The following OXR1 variants were observed in gnomAD, a reference collection of about 807,000 sequenced individuals.
The protein encoded by OXR1 is oxidation resistance protein 1.
A neutral mutation model predicts 104.6 loss-of-function variants in OXR1; 41 were observed. The observed-to-expected ratio is 0.39, with a 90% confidence interval of 0.31 to 0.51. The LOEUF (loss-of-function observed/expected upper bound fraction) is 0.51. OXR1 is among the 20% of genes least tolerant of loss of function. The pLI, the probability that OXR1 is intolerant of heterozygous loss-of-function variation, is 0.77. For missense variants in OXR1, 955 were observed against 1,031.9 expected (o/e 0.93, Z 1.02); for synonymous variants, 348 against 348.4 (o/e 1.00, Z 0.01).
At chr8:106,674,816 T>G (rs1237310442) in intron 3 of OXR1, among the ~76,000 whole-genome samples, 4 of 152,182 alleles carry the variant, frequency 2.6e-5, no homozygotes, top group African/African-American at 9.7e-5. Flanking sequence ...AGTTCATTCT[T>G]CCTCATGCTG....
intron 1 of OXR1, among the ~76,000 whole-genome samples, chr8:106,353,345 C>T (rs1044364021): frequency 2.0e-5 from 3 of 150,180 alleles, no homozygotes; most frequent in South Asian, 2.2e-4. Flanking sequence ...GCCTGGGTGA[C>T]GGAGTGAGAC....
intron 2 of OXR1, among the ~76,000 whole-genome samples, chr8:106,511,209 C>T (rs1285379864): frequency 6.6e-6 from 1 of 152,108 alleles, no homozygotes; most frequent in East Asian, 1.9e-4. Flanking sequence ...TTTAGTCAGA[C>T]TGTATAGGAG....
intron 3 of OXR1, among the ~76,000 whole-genome samples, chr8:106,651,025 A>T (rs1173754805): frequency 6.6e-6 from 1 of 152,200 alleles, no homozygotes; most frequent in Admixed American, 6.5e-5. Context: ...TTCATACATC[A>T]GTAGGATAAA....
At chr8:106,618,171 T>G (rs912331638) in intron 3 of OXR1, 5 of 1,535,916 alleles carry the variant, frequency 3.3e-6, no homozygotes, top group Non-Finnish European at 1.7e-6. Flanking sequence ...AGAAATGTTC[T>G]GCCAGCGCAA....
At chr8:106,630,671 G>T (rs563077036) in intron 3 of OXR1, among the ~76,000 whole-genome samples, 1 of 152,160 alleles carries the variant, frequency 6.6e-6, no homozygotes, top group Non-Finnish European at 1.5e-5. Flanking sequence ...AAAGAGGAAG[G>T]TACAAGGAAG....
At chr8:106,467,703 C>T (rs1197019501) in intron 2 of OXR1, among the ~76,000 whole-genome samples, 1 of 151,828 alleles carries the variant, frequency 6.6e-6, no homozygotes, top group East Asian at 1.9e-4. Context: ...AAGCCAAGGC[C>T]TTACTTACAT....
At chr8:106,586,444 C>G (rs979383863) in intron 3 of OXR1, among the ~76,000 whole-genome samples, 1 of 152,114 alleles carries the variant, frequency 6.6e-6, no homozygotes, top group African/African-American at 2.4e-5. Context: ...CACAGGTTTG[C>G]AGAGAATTCA....
At chr8:106,738,887 A>T (rs917264488) in intron 12 of OXR1, among the ~76,000 whole-genome samples, 13 of 152,230 alleles carry the variant, frequency 8.5e-5, no homozygotes, top group African/African-American at 3.1e-4. Flanking sequence ...TTAGAAAGTT[A>T]TAAAAAGAAA....
chr8:106,339,410 G>A (rs887950393), intron 1 of OXR1, among the ~76,000 whole-genome samples: 1 of 146,462 alleles, frequency 6.8e-6, no homozygotes, highest in Non-Finnish European at 1.5e-5. Context: ...CAGGAGAATG[G>A]TGTGAACCTG....
chr8:106,485,695 C>A (rs1388396839), intron 2 of OXR1, among the ~76,000 whole-genome samples: 1 of 151,894 alleles, frequency 6.6e-6, no homozygotes, highest in Non-Finnish European at 1.5e-5. Flanking sequence ...GCACTATTTA[C>A]AATAGCTAAG....
At chr8:106,577,064 T>G (rs1447612375) in intron 3 of OXR1, among the ~76,000 whole-genome samples, 7 of 152,222 alleles carry the variant, frequency 4.6e-5, no homozygotes, top group Non-Finnish European at 1.0e-4. Flanking sequence ...GCTTTAATAA[T>G]AGTCATCGGC....
chr8:106,494,280 T>C (rs1227945377), intron 2 of OXR1, among the ~76,000 whole-genome samples: 2 of 152,208 alleles, frequency 1.3e-5, no homozygotes, highest in Non-Finnish European at 2.9e-5. Context: ...TTTGCAGTAT[T>C]AAGATTTTAG....
At chr8:106,487,863 A>G (rs1810792971) in intron 2 of OXR1, among the ~76,000 whole-genome samples, 1 of 151,820 alleles carries the variant, frequency 6.6e-6, no homozygotes, top group Admixed American at 6.6e-5. Flanking sequence ...TGCTATTGTG[A>G]ATAATGCCGC....
At chr8:106,723,082 G>T (rs755474758) in intron 11 of OXR1, among the ~76,000 whole-genome samples, 1 of 152,084 alleles carries the variant, frequency 6.6e-6, no homozygotes, top group Non-Finnish European at 1.5e-5. Flanking sequence ...TAGGCCAGGC[G>T]TGGTGGCTCA....
chr8:106,354,414 T>G (rs1017089426), intron 1 of OXR1, among the ~76,000 whole-genome samples: 15 of 152,190 alleles, frequency 9.9e-5, no homozygotes, highest in African/African-American at 3.4e-4. Context: ...GCTCTTGTAG[T>G]GCCCTGAGTG....
chr8:106,487,216 G>A (rs960356925), intron 2 of OXR1, among the ~76,000 whole-genome samples: 1 of 151,416 alleles, frequency 6.6e-6, no homozygotes, highest in Non-Finnish European at 1.5e-5. Flanking sequence ...TAGAGACGGG[G>A]TTTCACCATG....
chr8:106,473,438 G>A (rs956924812), intron 2 of OXR1, among the ~76,000 whole-genome samples: 1 of 151,778 alleles, frequency 6.6e-6, no homozygotes, highest in Non-Finnish European at 1.5e-5. Context: ...AGTACCTCAT[G>A]TTTTCGTTAG....
At chr8:106,417,601 C>T (rs1818730847) in intron 2 of OXR1, among the ~76,000 whole-genome samples, 1 of 152,114 alleles carries the variant, frequency 6.6e-6, no homozygotes, top group Non-Finnish European at 1.5e-5. Flanking sequence ...AATGCATACA[C>T]TGTCTACAAA....
rs560156989 is a variant in OXR1, at chr8:106,750,225, G to A, written c.2487-581G>A. Among the ~76,000 whole-genome samples, 23 of 150,464 alleles carry A rather than the reference G, an allele frequency of 1.5e-4. No individual in the cohort carries two copies. The East Asian group carries it at 3.9e-3, about 26-fold the overall frequency. Reference sequence around the variant, plus strand: ...ATAATACCAGGCAAAAAATTACAGCGTAGTACCTGTCTCAAAAGCTAATCC... The same window carrying A: ...ATAATACCAGGCAAAAAATTACAGCATAGTACCTGTCTCAAAAGCTAATCC... On this transcript the variant is annotated intron_variant, in intron 16 of 16. Coordinates refer to ENST00000517566, the MANE Select transcript of OXR1 (RefSeq NM_001198533.2).
Sources: gnomAD v4.1 joint callset for allele counts (sites outside exome capture counted in the v4.1 genomes callset) on GRCh38, gnomAD v4.1.1 for gene constraint, MANE v1.5 for transcripts, NCBI Gene and HGNC (gene_info 2026-07-23, HGNC 2026-07-21) for gene names.